Variants in KCNK9 observed in about 807,000 individuals in gnomAD.
The protein encoded by KCNK9 is potassium two pore domain channel subfamily K member 9, also known as potassium channel subfamily K member 9.
A neutral mutation model predicts 10.8 loss-of-function variants in KCNK9; 1 was observed. The observed-to-expected ratio is 0.09, with a 90% CI of 0.03 to 0.44. KCNK9 has a LOEUF of 0.44. KCNK9 is among the 20% of genes least tolerant of loss of function. The pLI is 0.97. For missense variants in KCNK9, 303 were observed against 515.0 expected (o/e 0.59, Z 3.98); for synonymous variants, 231 against 222.7 (o/e 1.04, Z -0.33).
At chr8:139,683,362 G>A (rs1372999931) in intron 1 of KCNK9, among the ~76,000 whole-genome samples, 1 of 152,120 alleles carries the variant, frequency 6.6e-6, no homozygotes, top group Non-Finnish European at 1.5e-5. Context: ...TTCTCACTCT[G>A]AGGTGCTCTC....
chr8:139,636,098 T>C (rs1815331356), intron 1 of KCNK9, among the ~76,000 whole-genome samples: 2 of 152,198 alleles, frequency 1.3e-5, no homozygotes, highest in Non-Finnish European at 2.9e-5. Flanking sequence ...GAAACCAATA[T>C]GGTGGCCAGG....
intron 1 of KCNK9, among the ~76,000 whole-genome samples, chr8:139,678,998 G>C (rs901704988): frequency 6.6e-6 from 1 of 152,208 alleles, no homozygotes. Flanking sequence ...ATGCATTTGC[G>C]GGTCTCGTTT....
At chr8:139,645,378 G>A (rs1815645029) in intron 1 of KCNK9, among the ~76,000 whole-genome samples, 1 of 152,182 alleles carries the variant, frequency 6.6e-6, no homozygotes, top group Non-Finnish European at 1.5e-5. Context: ...GCCTGCCCAT[G>A]CCCACCTGCC....
chr8:139,691,812 C>T (rs1200316068), intron 1 of KCNK9, among the ~76,000 whole-genome samples: 2 of 152,304 alleles, frequency 1.3e-5, no homozygotes, highest in Admixed American at 1.3e-4. Context: ...CCTCCCAATA[C>T]CTGACTCCAC....
intron 1 of KCNK9, among the ~76,000 whole-genome samples, chr8:139,650,701 G>A (rs1815836551): frequency 6.6e-6 from 1 of 152,210 alleles, no homozygotes; most frequent in African/African-American, 2.4e-5. Context: ...CTGCACCAGA[G>A]TAAACTTCGA....
chr8:139,696,335 T>C (rs967467438), intron 1 of KCNK9, among the ~76,000 whole-genome samples: 4 of 152,242 alleles, frequency 2.6e-5, no homozygotes, highest in Non-Finnish European at 5.9e-5. Context: ...CACTGAGCAA[T>C]ACATTTGTGA....
At chr8:139,630,594 G>A (rs780892864) in intron 1 of KCNK9, among the ~76,000 whole-genome samples, 14 of 152,228 alleles carry the variant, frequency 9.2e-5, no homozygotes, top group Admixed American at 2.0e-4. Context: ...CCAATGGAAG[G>A]CCCGCGGAGT....
chr8:139,641,921 C>T lies in KCNK9; in HGVS notation c.284-22822G>A, dbSNP rs561372123. 3.9e-5 allele frequency among the ~76,000 whole-genome samples: 6 copies of T among 152,308 alleles called. No individual in the cohort carries two copies. In the South Asian group the frequency reaches 1.0e-3, roughly 26 times the overall value. On this transcript the variant is annotated intron_variant, in intron 1 of 1. Transcript: ENST00000520439. Reference sequence around the variant, plus strand: ...GGGCTGCCTGGCTGGCAGAGCTCAGCTTCTGTGATGCACAGGCCTCCTCTC... The same window carrying T: ...GGGCTGCCTGGCTGGCAGAGCTCAGTTTCTGTGATGCACAGGCCTCCTCTC...
intron 1 of KCNK9, among the ~76,000 whole-genome samples, chr8:139,694,982 C>T (rs1817017116): frequency 6.6e-6 from 1 of 152,216 alleles, no homozygotes. Context: ...CATCTGCCCA[C>T]AGTGTCCCGA....
Position 139,618,001 on chromosome 8 carries a change from G to C in KCNK9, c.*257C>G. On this transcript the variant is annotated 3_prime_UTR_variant, in exon 2 of 2. Transcript: ENST00000520439. The surrounding 1 kb of genome is among the most constrained non-coding windows in gnomAD (Gnocchi z 7.9). ...AGAAATGTAAGGCATAGTCTGCTGGGAAGGAAGGAGGAGATCCATGCTTCA... is the reference window on the plus strand; with the variant it reads ...AGAAATGTAAGGCATAGTCTGCTGGCAAGGAAGGAGGAGATCCATGCTTCA... 2.0e-6 allele frequency: 1 copy of C among 499,580 alleles called. No homozygotes were observed. The highest frequency in any genetic ancestry group is 5.5e-4 in the Middle Eastern group (1 of 1,828). 30.9% of individuals were successfully genotyped at this position (499,580 alleles called of 1,614,324 possible).
chr8:139,643,533 G>A (rs549665860), intron 1 of KCNK9, among the ~76,000 whole-genome samples: 6 of 152,320 alleles, frequency 3.9e-5, no homozygotes, highest in East Asian at 1.9e-4. Flanking sequence ...CAAGGTCACC[G>A]TGCACAGGCC....
chr8:139,657,728 T>C (rs548214776), intron 1 of KCNK9, among the ~76,000 whole-genome samples: 2 of 152,312 alleles, frequency 1.3e-5, no homozygotes, highest in East Asian at 1.9e-4. Flanking sequence ...CACCGCATGG[T>C]CACTACTAAC....
At chr8:139,670,010 A>C (rs1362463823) in intron 1 of KCNK9, among the ~76,000 whole-genome samples, 1 of 152,184 alleles carries the variant, frequency 6.6e-6, no homozygotes, top group Non-Finnish European at 1.5e-5. Context: ...TCATATTTTG[A>C]AAGGAATCTC....
intron 1 of KCNK9, among the ~76,000 whole-genome samples, chr8:139,690,864 A>G (rs547098628): frequency 6.6e-6 from 1 of 152,316 alleles, no homozygotes; most frequent in South Asian, 2.1e-4. Context: ...AATGGATGAA[A>G]GATGGTTGTG....
intron 1 of KCNK9, among the ~76,000 whole-genome samples, chr8:139,668,485 G>A (rs1362598519): frequency 2.0e-5 from 3 of 148,860 alleles, no homozygotes; most frequent in East Asian, 2.0e-4. Flanking sequence ...GCAATGGCAC[G>A]ATCTTGGCTC....
At chr8:139,672,675 G>C (rs571586810) in intron 1 of KCNK9, among the ~76,000 whole-genome samples, 1 of 152,240 alleles carries the variant, frequency 6.6e-6, no homozygotes, top group Non-Finnish European at 1.5e-5. Context: ...CACAGCCCCC[G>C]TGGGGGAGCC....
At chr8:139,637,765 A>ACACACACACACACG (rs1815383304) in intron 1 of KCNK9, among the ~76,000 whole-genome samples, 1 of 149,790 alleles carries the variant, frequency 6.7e-6, no homozygotes, top group African/African-American at 2.4e-5. Flanking sequence ...TACTCTACAC[A>ACACACACACACACG]CACACACACA....
chr8:139,677,994 A>G (rs72681286), intron 1 of KCNK9, among the ~76,000 whole-genome samples: 14,859 of 136,208 alleles, frequency 0.11, 1,283 homozygotes, highest in Middle Eastern at 0.15. Context: ...CCAGCCCAAC[A>G]GGTCCCCACG....
chr8:139,639,888 T>C lies in KCNK9; in HGVS notation c.284-20789A>G, dbSNP rs73724474. ...CCTTAACCTCTCTGGGCTCAGGGCC[T>C]GCCTCTGCAAGATGCGCTAAGGACC... On this transcript the variant is annotated intron_variant, in intron 1 of 1. Transcript: ENST00000520439. 7.9e-3 allele frequency among the ~76,000 whole-genome samples: 1,200 copies of C among 151,856 alleles called. 12 individuals are homozygous for C. The highest frequency in any genetic ancestry group is 0.028 in the African/African-American group (1,164 of 41,374).
Sources: allele counts gnomAD v4.1 joint callset (sites outside exome capture counted in the v4.1 genomes callset), GRCh38; gene constraint gnomAD v4.1.1; non-coding constraint Gnocchi (gnomAD v3.1); transcripts MANE v1.5; gene names NCBI Gene and HGNC (gene_info 2026-07-23, HGNC 2026-07-21).